AOPEP: variants seen among roughly 807,000 people sequenced by gnomAD.
AOPEP encodes aminopeptidase O.
AOPEP carries 77 observed loss-of-function variants against 98.1 expected under a neutral mutation model. The ratio of observed to expected loss-of-function variants is 0.78; its 90% confidence interval spans 0.65 to 0.95. The LOEUF is 0.95. Ranked by LOEUF, AOPEP falls within the 40% of genes least tolerant of loss-of-function variation. The pLI is 0.00. For missense variants in AOPEP, 1,024 were observed against 1,024.7 expected (o/e 1.00, Z 0.01); for synonymous variants, 346 against 365.3 (o/e 0.95, Z 0.60).
intron 3 of AOPEP, among the ~76,000 whole-genome samples, chr9:94,780,770 C>T (rs1017251305): frequency 6.6e-6 from 1 of 152,232 alleles, no homozygotes; most frequent in African/African-American, 2.4e-5. Context: ...CCCTTTAAAA[C>T]GATGAGCTAT....
At chr9:94,922,917 G>T (rs997124923) in intron 5 of AOPEP, among the ~76,000 whole-genome samples, 2 of 152,200 alleles carry the variant, frequency 1.3e-5, no homozygotes, top group Non-Finnish European at 2.9e-5. Flanking sequence ...TTTCTCTAAT[G>T]GTGGCTGTGG....
intron 5 of AOPEP, among the ~76,000 whole-genome samples, chr9:94,839,035 C>T (rs371729786): frequency 2.7e-4 from 41 of 150,486 alleles, no homozygotes; most frequent in African/African-American, 9.3e-4. Context: ...CTCAGCCTCC[C>T]GAGTAGGTGG....
intron 1 of AOPEP, among the ~76,000 whole-genome samples, chr9:94,751,206 C>A (rs995178818): frequency 2.0e-5 from 3 of 152,114 alleles, no homozygotes; most frequent in Non-Finnish European, 4.4e-5. Context: ...CCTTACAGTT[C>A]TTGTCAGCTT....
intron 5 of AOPEP, among the ~76,000 whole-genome samples, chr9:94,893,173 A>G (rs1750533822): frequency 6.6e-6 from 1 of 152,194 alleles, no homozygotes; most frequent in Non-Finnish European, 1.5e-5. Context: ...TGAACTCTAG[A>G]GTATTATTTT....
chr9:94,943,991 T>C (rs1479413827), intron 7 of AOPEP, among the ~76,000 whole-genome samples: 1 of 148,072 alleles, frequency 6.8e-6, no homozygotes, highest in Non-Finnish European at 1.5e-5. Flanking sequence ...AATATGCAGA[T>C]GGCCAATGAG....
chr9:94,952,238 T>C (rs1428972560), intron 7 of AOPEP, among the ~76,000 whole-genome samples: 2 of 152,226 alleles, frequency 1.3e-5, no homozygotes, highest in Admixed American at 6.5e-5. Context: ...TGCTCGCAAG[T>C]GTATGCTGTT....
chr9:94,818,959 A>G (rs994996371), intron 5 of AOPEP, among the ~76,000 whole-genome samples: 9 of 152,350 alleles, frequency 5.9e-5, no homozygotes, highest in Non-Finnish European at 7.3e-5. Flanking sequence ...ATGCCACTGC[A>G]CTCCAGCCTG....
chr9:95,034,358 C>T (rs2064588344), intron 13 of AOPEP, among the ~76,000 whole-genome samples: 1 of 152,108 alleles, frequency 6.6e-6, no homozygotes, highest in African/African-American at 2.4e-5. Context: ...TTTCTCCTTC[C>T]TTGCAATATA....
At chr9:94,986,155 G>A (rs558627574) in intron 11 of AOPEP, among the ~76,000 whole-genome samples, 1 of 152,138 alleles carries the variant, frequency 6.6e-6, no homozygotes, top group Non-Finnish European at 1.5e-5. Flanking sequence ...GGTTTCTGGT[G>A]AGGCCTCTCT....
intron 5 of AOPEP, among the ~76,000 whole-genome samples, chr9:94,918,145 GGGACTGACCTAAGTACCTTTGTAA>G (rs2053097694): frequency 6.6e-6 from 1 of 152,166 alleles, no homozygotes; most frequent in South Asian, 2.1e-4. Context: ...CACCCTCCTG[GGGACTGACCTAAGTACCTTTGTAA>G]GGGCTTGTCT....
intron 10 of AOPEP, among the ~76,000 whole-genome samples, chr9:94,969,498 C>T (rs1338745490): frequency 6.6e-6 from 1 of 151,598 alleles, no homozygotes; most frequent in African/African-American, 2.4e-5. Context: ...GCAAGCTCCA[C>T]CTGGATTCAA....
intron 11 of AOPEP, among the ~76,000 whole-genome samples, chr9:94,983,364 T>G (rs1488196231): frequency 1.3e-5 from 2 of 152,202 alleles, no homozygotes; most frequent in Admixed American, 6.5e-5. Context: ...CTCCCTAAAT[T>G]GCCAAGTCCT....
At chr9:94,889,959 C>G (rs1021616627) in intron 5 of AOPEP, among the ~76,000 whole-genome samples, 26 of 151,778 alleles carry the variant, frequency 1.7e-4, no homozygotes, top group African/African-American at 6.3e-4. Context: ...TGCTTAAGTG[C>G]CATCTGTATA....
At chr9:94,949,126 C>A (rs891611742) in intron 7 of AOPEP, among the ~76,000 whole-genome samples, 2 of 152,182 alleles carry the variant, frequency 1.3e-5, no homozygotes, top group Non-Finnish European at 1.5e-5. Context: ...TTGAATGGGA[C>A]AATATAGCAC....
intron 10 of AOPEP, among the ~76,000 whole-genome samples, chr9:94,978,244 C>T (rs1442434929): frequency 6.6e-6 from 1 of 151,976 alleles, no homozygotes; most frequent in African/African-American, 2.4e-5. Context: ...TAGTTACATA[C>T]TTTTACATAT....
At chr9:94,748,114 AAT>A (rs1173576353) in intron 1 of AOPEP, among the ~76,000 whole-genome samples, 5 of 152,182 alleles carry the variant, frequency 3.3e-5, no homozygotes, top group Non-Finnish European at 5.9e-5. Flanking sequence ...TTTCAGGACT[AAT>A]ATATTTGAAG....
At chr9:95,047,889 T>G (rs2065984030) in intron 13 of AOPEP, among the ~76,000 whole-genome samples, 1 of 152,236 alleles carries the variant, frequency 6.6e-6, no homozygotes, top group East Asian at 1.9e-4. Flanking sequence ...TGTTTTTTTC[T>G]GATTTTAGTG....
chr9:95,133,872 C>T, the AOPEP span, among the ~76,000 whole-genome samples: 1 of 152,172 alleles, frequency 6.6e-6, no homozygotes, highest in East Asian at 1.9e-4. Context: ...TGTCAGAGGG[C>T]TTCTGAAAGT....
rs1388982603 is a variant in AOPEP, at chr9:94,903,859, A to C, written c.1365-20127A>C. Among the ~76,000 whole-genome samples the C allele has an allele frequency of 1.5e-5, 2 of 131,404 alleles. 1 individual carries two copies. The highest frequency in any genetic ancestry group is 5.8e-5 in the African/African-American group (2 of 34,478). The allele number at this position is 131,404 out of a possible 152,430, so 86.2% of individuals were successfully genotyped here. A position where few individuals can be genotyped will look rare whatever the true frequency, so the allele number is the denominator to read the frequency against. ...CAGTGAGCTGAGATTGCTCCATTGCACTCCAGCATGGGCAACAGAGTGAGA... is the reference window on the plus strand; with the variant it reads ...CAGTGAGCTGAGATTGCTCCATTGCCCTCCAGCATGGGCAACAGAGTGAGA... On this transcript the variant is annotated intron_variant, in intron 5 of 16. Coordinates refer to ENST00000375315, the MANE Select transcript of AOPEP (RefSeq NM_001193329.3).
Sources: gnomAD v4.1 joint callset for allele counts (sites outside exome capture counted in the v4.1 genomes callset) on GRCh38, gnomAD v4.1.1 for gene constraint, MANE v1.5 for transcripts, NCBI Gene and HGNC (gene_info 2026-07-23, HGNC 2026-07-21) for gene names.